Variants in CNBD1 observed in about 807,000 individuals in gnomAD.
The protein encoded by CNBD1 is cyclic nucleotide-binding domain-containing protein 1.
CNBD1 carries 71 observed loss-of-function variants against 54.4 expected under a neutral mutation model. The observed-to-expected ratio is 1.30, with a 90% CI of 1.08 to 1.59. CNBD1 has a LOEUF of 1.59. Ranked by LOEUF, CNBD1 falls within the 40% of genes most tolerant of loss-of-function variation. The pLI is 0.00. For synonymous variants in CNBD1, 182 were observed against 170.7 expected (o/e 1.07, Z -0.51); for missense variants, 659 against 518.0 (o/e 1.27, Z -2.64).
chr8:87,301,678 T>G (rs1808996402), intron 8 of CNBD1, among the ~76,000 whole-genome samples: 1 of 151,936 alleles, frequency 6.6e-6, no homozygotes, highest in African/African-American at 2.4e-5. Context: ...CAAAAAACCC[T>G]TCAAAAAATC....
At chr8:87,029,972 T>C (rs184995968) in intron 4 of CNBD1, among the ~76,000 whole-genome samples, 61 of 152,296 alleles carry the variant, frequency 4.0e-4, no homozygotes, top group Admixed American at 4.0e-3. Context: ...TATAGTCAAT[T>C]GAAAGTAAAA....
In CNBD1 at chr8:87,197,009, A is replaced by G. The variant is rs539634787; in HGVS notation, c.432-8984A>G. 7.2e-5 allele frequency among the ~76,000 whole-genome samples: 11 copies of G among 152,268 alleles called. No individual in the cohort carries two copies. In the East Asian group the frequency reaches 1.5e-3, roughly 21 times the overall value. On this transcript the variant is annotated intron_variant, in intron 4 of 10. Transcript: ENST00000518476. Reference sequence around the variant, plus strand: ...GCTGGAATTGGGTCTAGAAATAGATAGAAAGGTGAATTAATGAAAATATAA... The same window carrying G: ...GCTGGAATTGGGTCTAGAAATAGATGGAAAGGTGAATTAATGAAAATATAA...
intron 8 of CNBD1, among the ~76,000 whole-genome samples, chr8:87,327,914 A>G (rs62526770): frequency 0.044 from 6,627 of 151,356 alleles, 191 homozygotes; most frequent in Non-Finnish European, 0.06. Context: ...ATTTTTGTGT[A>G]TTGTGTAAGG....
At position 87,354,704 on chromosome 8, in the gene CNBD1, G is replaced by A. The variant is rs180939446; in HGVS notation, c.1303+918G>A. On this transcript the variant is annotated intron_variant, in intron 10 of 10. Transcript: ENST00000518476. ...AGTTTGCTGAGAATGATAGTTTCCA[G>A]CTTCATCCATGTCCCTACAAAGGAC... 1.8e-4 allele frequency among the ~76,000 whole-genome samples: 28 copies of A among 152,158 alleles called. No individual in the cohort carries two copies. The East Asian group carries it at 4.8e-3, about 26-fold the overall frequency.
intron 2 of CNBD1, among the ~76,000 whole-genome samples, chr8:87,391,244 A>G (rs185353171): frequency 3.9e-5 from 6 of 152,078 alleles, no homozygotes; most frequent in Admixed American, 2.0e-4. Context: ...AGTATAATAA[A>G]AAAAAGAAAT....
At chr8:86,883,273 A>G (rs114333815) in intron 1 of CNBD1, among the ~76,000 whole-genome samples, 2,003 of 152,264 alleles carry the variant, frequency 0.013, 33 homozygotes, top group Middle Eastern at 0.041. Flanking sequence ...CATGTTTTAT[A>G]TGGCAAAATA....
intron 8 of CNBD1, among the ~76,000 whole-genome samples, chr8:87,294,994 C>T (rs1342275181): frequency 6.6e-6 from 1 of 151,450 alleles, no homozygotes; most frequent in Non-Finnish European, 1.5e-5. Flanking sequence ...AATTTATTTG[C>T]CATGAAGCTT....
intron 4 of CNBD1, among the ~76,000 whole-genome samples, chr8:87,062,326 T>C (rs2130641025): frequency 6.6e-6 from 1 of 152,320 alleles, no homozygotes; most frequent in African/African-American, 2.4e-5. Flanking sequence ...TTGTTGTATG[T>C]TTGCATGTAA....
intron 4 of CNBD1, among the ~76,000 whole-genome samples, chr8:87,090,924 T>G (rs1349490668): frequency 6.6e-6 from 1 of 152,112 alleles, no homozygotes; most frequent in Non-Finnish European, 1.5e-5. Flanking sequence ...GTGGATCACC[T>G]GAGGTCAAGA....
intron 4 of CNBD1, among the ~76,000 whole-genome samples, chr8:86,955,121 A>T (rs1807729575): frequency 1.3e-5 from 2 of 152,060 alleles, no homozygotes; most frequent in South Asian, 4.1e-4. Context: ...GCTGAGAATG[A>T]TGGTTTCCAG....
At chr8:87,339,531 GT>G (rs1291188860) in intron 8 of CNBD1, among the ~76,000 whole-genome samples, 1 of 152,100 alleles carries the variant, frequency 6.6e-6, no homozygotes, top group Admixed American at 6.5e-5. Context: ...TGATATTTCA[GT>G]TTGTTCAGCA....
chr8:87,406,669 G>A (rs1325203495), intron 2 of CNBD1, among the ~76,000 whole-genome samples: 1 of 151,874 alleles, frequency 6.6e-6, no homozygotes, highest in Non-Finnish European at 1.5e-5. Context: ...TAGTAGAGAT[G>A]GGGTTTCACC....
At chr8:87,247,829 TA>T (rs1231005384) in intron 6 of CNBD1, among the ~76,000 whole-genome samples, 1 of 152,214 alleles carries the variant, frequency 6.6e-6, no homozygotes, top group African/African-American at 2.4e-5. Context: ...AAAATGTTTT[TA>T]AGTTCAGGTG....
intron 6 of CNBD1, among the ~76,000 whole-genome samples, chr8:87,276,715 C>G (rs1031198603): frequency 2.0e-5 from 3 of 151,728 alleles, no homozygotes; most frequent in African/African-American, 7.3e-5. Flanking sequence ...TCAAGGGAAC[C>G]AAGATTAGAG....
At chr8:87,131,916 G>T (rs1237008045) in intron 4 of CNBD1, among the ~76,000 whole-genome samples, 1 of 152,018 alleles carries the variant, frequency 6.6e-6, no homozygotes, top group Non-Finnish European at 1.5e-5. Context: ...TGCTGAGGAT[G>T]AATATTCTTT....
At chr8:87,326,211 A>T (rs998173195) in intron 8 of CNBD1, among the ~76,000 whole-genome samples, 3 of 123,166 alleles carry the variant, frequency 2.4e-5, no homozygotes, top group Non-Finnish European at 3.6e-5. Flanking sequence ...GGGTAACCCG[A>T]CCTTTCTCTC....
rs115972586 is a variant in CNBD1, at chr8:87,194,063, G to A, written c.432-11930G>A. Among the ~76,000 whole-genome samples the A allele has an allele frequency of 2.5e-3, 379 of 152,164 alleles. 1 individual carries two copies. The highest frequency in any genetic ancestry group is 8.5e-3 in the African/African-American group (351 of 41,504). ...CAAGTCGGCAAATTAGATTTTCATGGGAGCATGAGCCTTATTGTGAACTGC... is the reference window on the plus strand; with the variant it reads ...CAAGTCGGCAAATTAGATTTTCATGAGAGCATGAGCCTTATTGTGAACTGC... On this transcript the variant is annotated intron_variant, in intron 4 of 10. Coordinates refer to ENST00000518476, the MANE Select transcript of CNBD1 (RefSeq NM_173538.3).
At chr8:87,301,830 C>G (rs568359250) in intron 8 of CNBD1, among the ~76,000 whole-genome samples, 3 of 152,244 alleles carry the variant, frequency 2.0e-5, no homozygotes, top group East Asian at 1.9e-4. Flanking sequence ...CACAGAAATA[C>G]AAACTACCAT....
At position 87,286,860 on chromosome 8, in the gene CNBD1, C is replaced by T. The variant is rs571002778; in HGVS notation, c.1042+189C>T. ...TTTATTAAAAATGATACTGTACTGG[C>T]TTGAAGTGTGGTCTCAGGACTAACC... On this transcript the variant is annotated intron_variant, in intron 8 of 10. Coordinates refer to ENST00000518476, the MANE Select transcript of CNBD1 (RefSeq NM_173538.3). Among the ~76,000 whole-genome samples the T allele has an allele frequency of 3.3e-5, 5 of 152,096 alleles. No homozygotes were observed. The East Asian group carries it at 9.7e-4, about 29-fold the overall frequency.
Sources: gnomAD v4.1 joint callset for allele counts (sites outside exome capture counted in the v4.1 genomes callset) on GRCh38, gnomAD v4.1.1 for gene constraint, MANE v1.5 for transcripts, NCBI Gene and HGNC (gene_info 2026-07-23, HGNC 2026-07-21) for gene names.